The following CFAP57 variants were observed in gnomAD, a reference collection of about 807,000 sequenced individuals.
The protein encoded by CFAP57 is cilia and flagella associated protein 57.
CFAP57 carries 116 observed loss-of-function variants against 146.8 expected under a neutral mutation model. The observed-to-expected ratio is 0.79, with a 90% CI of 0.68 to 0.92. CFAP57 has a LOEUF of 0.92. CFAP57 is among the 40% of genes least tolerant of loss of function. The pLI is 0.00. For synonymous variants in CFAP57, 518 were observed against 552.8 expected, an observed-to-expected ratio of 0.94 and a Z score of 0.88; for missense variants, 1,377 against 1,527.2, an observed-to-expected ratio of 0.90 and a Z score of 1.64.
chr1:43,219,379 A>C lies in CFAP57; in HGVS notation c.2092-3A>C. ...TCTTGATCCTTCTGTCCTTCTCCCA[A>C]AGGCTCAGGTTATGTTGGAGCTAAA... On this transcript the variant is annotated splice_polypyrimidine_tract_variant and splice_region_variant and intron_variant, in intron 12 of 22. Coordinates refer to ENST00000372492, the MANE Select transcript of CFAP57 (RefSeq NM_001378189.1). The C allele has an allele frequency of 6.5e-7, 1 of 1,548,208 alleles. No homozygotes were observed. Among genetic ancestry groups the C allele is most frequent in the South Asian group, 1.2e-5 (1 of 83,750 alleles).
chr1:43,217,223 C>T (rs1479606123), intron 12 of CFAP57, among the ~76,000 whole-genome samples: 1 of 152,120 alleles, frequency 6.6e-6, no homozygotes, highest in Admixed American at 6.5e-5. Flanking sequence ...CCTTTTACAC[C>T]CTGCATTAGG....
At chr1:43,177,244 G>A in intron 2 of CFAP57, 1 of 456,118 alleles carries the variant, frequency 2.2e-6, no homozygotes, top group South Asian at 1.5e-5. Flanking sequence ...GCAGGTAGAG[G>A]CAGGCGACAG....
At chr1:43,205,064 C>A (rs1231927488) in intron 9 of CFAP57, among the ~76,000 whole-genome samples, 1 of 152,110 alleles carries the variant, frequency 6.6e-6, no homozygotes, top group African/African-American at 2.4e-5. Flanking sequence ...TCCTCATATC[C>A]CACTCTGACT....
At chr1:43,235,195 G>A (rs1017170302) in intron 21 of CFAP57, among the ~76,000 whole-genome samples, 1 of 152,036 alleles carries the variant, frequency 6.6e-6, no homozygotes, top group African/African-American at 2.4e-5. Flanking sequence ...ACGTCCCAGA[G>A]CTGGCCTCAC....
At chr1:43,180,590 C>T (rs890478783) in intron 2 of CFAP57, among the ~76,000 whole-genome samples, 5 of 152,036 alleles carry the variant, frequency 3.3e-5, no homozygotes, top group South Asian at 2.1e-4. Context: ...GCTCAGCAGG[C>T]GTGCATGCCC....
chr1:43,194,472 G>A (rs1323188750), intron 6 of CFAP57, among the ~76,000 whole-genome samples: 1 of 151,994 alleles, frequency 6.6e-6, no homozygotes, highest in Non-Finnish European at 1.5e-5. Flanking sequence ...TCCTATATGT[G>A]TACACTGGTG....
intron 18 of CFAP57, among the ~76,000 whole-genome samples, chr1:43,228,841 T>C (rs1366198030): frequency 6.7e-6 from 1 of 149,164 alleles, no homozygotes; most frequent in Non-Finnish European, 1.5e-5. Context: ...TCCAGCAGAT[T>C]TGGTGTCCAG....
At chr1:43,237,124 G>A (rs924643685) in intron 21 of CFAP57, among the ~76,000 whole-genome samples, 4 of 152,112 alleles carry the variant, frequency 2.6e-5, no homozygotes, top group Non-Finnish European at 5.9e-5. Context: ...CTGGTCAGGA[G>A]CCAGCTGGAC....
chr1:43,237,514 A>G (rs1225927778), intron 21 of CFAP57, among the ~76,000 whole-genome samples: 9 of 152,176 alleles, frequency 5.9e-5, no homozygotes, highest in African/African-American at 2.2e-4. Flanking sequence ...TGCTCAACTC[A>G]TTGTATGCAG....
At chr1:43,184,947 C>T in intron 4 of CFAP57, 1 of 602,282 alleles carries the variant, frequency 1.7e-6, no homozygotes, top group Non-Finnish European at 3.0e-6. Context: ...TCCACACGCC[C>T]CAAGCACTCT....
rs1646381083 is a variant in CFAP57, at chr1:43,253,963, GT to G, written c.3539-12del. On this transcript the variant is annotated splice_polypyrimidine_tract_variant and intron_variant, in intron 22 of 22. Transcript: ENST00000372492. ...CAATGGACAGGCCCACATGAGTCCT[GT>G]TGTCTCTTACAGAACCCAGCAGGGA... 6.5e-7 allele frequency: 1 copy of G among 1,550,266 alleles called. No homozygotes were observed. The highest frequency in any genetic ancestry group is 8.7e-7 in the Non-Finnish European group (1 of 1,146,714).
intron 21 of CFAP57, among the ~76,000 whole-genome samples, chr1:43,240,688 A>G (rs1331513064): frequency 6.6e-6 from 1 of 152,204 alleles, no homozygotes; most frequent in Non-Finnish European, 1.5e-5. Flanking sequence ...AGGCTGGGTA[A>G]TTTATAAAGA....
intron 4 of CFAP57, among the ~76,000 whole-genome samples, chr1:43,184,608 G>A (rs913426813): frequency 1.3e-5 from 2 of 152,080 alleles, no homozygotes; most frequent in Non-Finnish European, 1.5e-5. Flanking sequence ...GGCAGGCTCA[G>A]GATTCAAACC....
Position 43,238,896 on chromosome 1 carries a change from T to G in CFAP57, c.3405+4258T>G, listed in dbSNP as rs1445264483. ...CCTCAGTTTCCTCACAAGGTTGGTG[T>G]AAGGATGAACTGAGGGACTGTATGC... On this transcript the variant is annotated intron_variant, in intron 21 of 22. Transcript: ENST00000372492. The surrounding 1 kb of genome is among the most constrained non-coding windows in gnomAD (Gnocchi z 4.3). 6.6e-6 allele frequency among the ~76,000 whole-genome samples: 1 copy of G among 152,116 alleles called. No individual in the cohort carries two copies.
chr1:43,203,126 T>C (rs1030299141), intron 9 of CFAP57, among the ~76,000 whole-genome samples: 6 of 152,014 alleles, frequency 3.9e-5, no homozygotes, highest in Admixed American at 2.6e-4. Flanking sequence ...TGAGCCGAGA[T>C]CATGCCAGTG....
chr1:43,221,144 AT>A (rs1426334014), intron 13 of CFAP57, among the ~76,000 whole-genome samples: 22 of 152,226 alleles, frequency 1.4e-4, no homozygotes, highest in African/African-American at 5.3e-4. Context: ...TGACAAACCC[AT>A]TTAGTAGCAA....
chr1:43,183,471 T>C, intron 3 of CFAP57, 120 bp from the exon 4 acceptor site: 2 of 884,804 alleles, frequency 2.3e-6, no homozygotes, highest in East Asian at 5.3e-5. Flanking sequence ...TTACATGATT[T>C]TGTGATGTTT....
At chr1:43,181,935 A>C in intron 3 of CFAP57, 85 bp downstream of exon 3, 1 of 1,440,802 alleles carries the variant, frequency 6.9e-7, no homozygotes, top group Non-Finnish European at 9.7e-7. Flanking sequence ...CCACAGTTCT[A>C]ATTTCCTCCA....
At position 43,201,804 on chromosome 1, in the gene CFAP57, G is replaced by A. The variant is rs927249103; in HGVS notation, c.1542+2301G>A. 7.2e-5 allele frequency among the ~76,000 whole-genome samples: 11 copies of A among 152,232 alleles called. No individual in the cohort carries two copies. Among genetic ancestry groups the A allele is most frequent in the African/African-American group, 1.7e-4 (7 of 41,546 alleles). On this transcript the variant is annotated intron_variant, in intron 9 of 22. Transcript: ENST00000372492. The surrounding 1 kb of genome is among the most constrained non-coding windows in gnomAD (Gnocchi z 4.4). Reference sequence around the variant, plus strand: ...GTAATTTTGTATTTTTAATAGAGACGGGGTTTCTCCATGTTGGTCAGGCTG... The same window carrying A: ...GTAATTTTGTATTTTTAATAGAGACAGGGTTTCTCCATGTTGGTCAGGCTG...
Sources: gnomAD v4.1 joint callset for allele counts (sites outside exome capture counted in the v4.1 genomes callset) on GRCh38, gnomAD v4.1.1 for gene constraint, Gnocchi (gnomAD v3.1) non-coding constraint, MANE v1.5 for transcripts, NCBI Gene and HGNC (gene_info 2026-07-23, HGNC 2026-07-21) for gene names.